CCDC73: variants seen among roughly 807,000 people sequenced by gnomAD.
The protein encoded by CCDC73 is coiled-coil domain-containing protein 73.
Under a neutral mutation model 116.5 loss-of-function variants are expected in CCDC73, and 95 were observed. The observed-to-expected ratio is 0.82, with a 90% CI of 0.69 to 0.97. The LOEUF (loss-of-function observed/expected upper bound fraction) is 0.97. Ranked by LOEUF, CCDC73 falls within the 50% of genes least tolerant of loss-of-function variation. The pLI is 0.00. For synonymous variants in CCDC73, 398 were observed against 401.3 expected, an observed-to-expected ratio of 0.99 and a Z score of 0.10; for missense variants, 1,066 against 1,206.8, an observed-to-expected ratio of 0.88 and a Z score of 1.73.
chr11:32,661,459 C>A (rs1855925451), intron 9 of CCDC73, among the ~76,000 whole-genome samples: 1 of 137,260 alleles, frequency 7.3e-6, no homozygotes, highest in South Asian at 2.6e-4. Context: ...CCTCCCCCAA[C>A]CCCATGACAG....
rs933734893 is a variant in CCDC73 at position 32,791,026 on chromosome 11, C to G, written c.-16+3587G>C. 3.3e-5 allele frequency among the ~76,000 whole-genome samples: 5 copies of G among 152,258 alleles called. No individual in the cohort carries two copies. In the South Asian group the frequency reaches 1.0e-3, roughly 32 times the overall value. On this transcript the variant is annotated intron_variant, in intron 1 of 17. Coordinates refer to ENST00000335185, the MANE Select transcript of CCDC73 (RefSeq NM_001008391.4). ...TAGCTTAATAAAGTTGAATCCAACACAGCTAGAAATGTACTGCTCATTGAA... is the reference window on the plus strand; with the variant it reads ...TAGCTTAATAAAGTTGAATCCAACAGAGCTAGAAATGTACTGCTCATTGAA...
At chr11:32,784,876 A>T (rs1367714005) in intron 1 of CCDC73, among the ~76,000 whole-genome samples, 2 of 152,208 alleles carry the variant, frequency 1.3e-5, no homozygotes, top group African/African-American at 4.8e-5. Context: ...GTTTCTTATA[A>T]TGATAGAACA....
intron 14 of CCDC73, among the ~76,000 whole-genome samples, chr11:32,633,349 A>G (rs1045028922): frequency 2.6e-5 from 4 of 152,208 alleles, no homozygotes; most frequent in African/African-American, 9.6e-5. Flanking sequence ...GACTATAATA[A>G]TAAGAGAATA....
At chr11:32,747,965 C>A (rs2133364509) in intron 2 of CCDC73, among the ~76,000 whole-genome samples, 1 of 152,306 alleles carries the variant, frequency 6.6e-6, no homozygotes, top group African/African-American at 2.4e-5. Context: ...ACTGTCCAAC[C>A]AGTCCCAACG....
chr11:32,736,867 T>C (rs901915993), intron 2 of CCDC73, among the ~76,000 whole-genome samples: 14 of 151,754 alleles, frequency 9.2e-5, no homozygotes, highest in African/African-American at 3.4e-4. Context: ...TGTAGGGACA[T>C]GGATGAAGCT....
chr11:32,657,643 T>G (rs1253201320), intron 9 of CCDC73, among the ~76,000 whole-genome samples: 2 of 151,996 alleles, frequency 1.3e-5, no homozygotes, highest in African/African-American at 4.8e-5. Context: ...TACTAGTAGA[T>G]CAGTAGGCTA....
chr11:32,657,227 A>G (rs1366727876), intron 9 of CCDC73, among the ~76,000 whole-genome samples: 1 of 152,208 alleles, frequency 6.6e-6, no homozygotes, highest in African/African-American at 2.4e-5. Context: ...GGAAAAACTC[A>G]CCCAAGTATA....
In CCDC73 at chr11:32,662,418, C is replaced by G. The variant is rs374042287; in HGVS notation, c.646-7446G>C. ...GGTATCTCATTGTGGTTTTGATTTGCATTTCTCTGATGGCCAGTGATGATG... is the reference window on the plus strand; with the variant it reads ...GGTATCTCATTGTGGTTTTGATTTGGATTTCTCTGATGGCCAGTGATGATG... On this transcript the variant is annotated intron_variant, in intron 9 of 17. Transcript: ENST00000335185. Among the ~76,000 whole-genome samples, 11 of 152,284 alleles carry G rather than the reference C, an allele frequency of 7.2e-5. 1 individual carries two copies. In the East Asian group the frequency reaches 1.9e-3, roughly 27 times the overall value.
At chr11:32,691,250 T>C (rs1394441092) in intron 6 of CCDC73, among the ~76,000 whole-genome samples, 1 of 152,132 alleles carries the variant, frequency 6.6e-6, no homozygotes, top group East Asian at 1.9e-4. Flanking sequence ...TTCACCATGT[T>C]GGTCAGGCTG....
intron 12 of CCDC73, among the ~76,000 whole-genome samples, chr11:32,642,921 C>T (rs965440524): frequency 6.6e-6 from 1 of 151,390 alleles, no homozygotes; most frequent in Non-Finnish European, 1.5e-5. Context: ...CAGAAGTAAC[C>T]ACTGTAGCAG....
At chr11:32,648,093 G>A (rs1045945223) in intron 12 of CCDC73, among the ~76,000 whole-genome samples, 1 of 152,186 alleles carries the variant, frequency 6.6e-6, no homozygotes, top group Non-Finnish European at 1.5e-5. Context: ...TACTTGGGCA[G>A]GGTGGGAAAG....
chr11:32,665,989 A>C (rs1447703801), intron 9 of CCDC73, among the ~76,000 whole-genome samples: 2 of 152,180 alleles, frequency 1.3e-5, no homozygotes, highest in African/African-American at 2.4e-5. Flanking sequence ...TATATGGCCC[A>C]CACTCTCTTC....
intron 12 of CCDC73, among the ~76,000 whole-genome samples, chr11:32,645,907 G>T (rs1292160486): frequency 6.6e-6 from 1 of 152,152 alleles, no homozygotes; most frequent in Admixed American, 6.5e-5. Context: ...GTTATGTGGT[G>T]CATAACTATA....
rs1849799937 is a variant in CCDC73 at position 32,700,169 on chromosome 11, G to C, written c.315+622C>G. Among the ~76,000 whole-genome samples the C allele has an allele frequency of 2.0e-5, 3 of 151,746 alleles. No homozygotes were observed. The South Asian group carries it at 6.2e-4, about 32-fold the overall frequency. ...TATTCTAATTAATAAGATACAGGTG[G>C]TATTTATCTAATGAATATAAAAATA... On this transcript the variant is annotated intron_variant, in intron 5 of 17. Coordinates refer to ENST00000335185, the MANE Select transcript of CCDC73 (RefSeq NM_001008391.4).
chr11:32,616,729 G>A (rs1590545772), intron 14 of CCDC73, among the ~76,000 whole-genome samples: 2 of 152,312 alleles, frequency 1.3e-5, no homozygotes, highest in East Asian at 3.9e-4. Flanking sequence ...CATGTTACAT[G>A]TGAAGCACTG....
intron 12 of CCDC73, among the ~76,000 whole-genome samples, chr11:32,643,375 G>A (rs368070625): frequency 1.5e-4 from 23 of 152,174 alleles, no homozygotes; most frequent in African/African-American, 5.5e-4. Context: ...ATACAGTCAT[G>A]TGTTGGTTAT....
chr11:32,653,466 G>T (rs1420653954), intron 11 of CCDC73, among the ~76,000 whole-genome samples: 1 of 152,092 alleles, frequency 6.6e-6, no homozygotes, highest in Non-Finnish European at 1.5e-5. Flanking sequence ...TAAGACACAT[G>T]TGAAGAATTC....
intron 1 of CCDC73, among the ~76,000 whole-genome samples, chr11:32,790,464 C>A (rs1850664966): frequency 6.6e-6 from 1 of 152,118 alleles, no homozygotes; most frequent in Non-Finnish European, 1.5e-5. Flanking sequence ...TTTTCATTAA[C>A]TGTTTCATGT....
chr11:32,749,113 T>C lies in CCDC73; in HGVS notation c.135+10996A>G, dbSNP rs533148018. ...AGATTTGGGAAGTTCTCTGTTATTA[T>C]CCCATTGAATAAACTTTCTACTCCT... On this transcript the variant is annotated intron_variant, in intron 2 of 17. Coordinates refer to ENST00000335185, the MANE Select transcript of CCDC73 (RefSeq NM_001008391.4). Among the ~76,000 whole-genome samples the C allele has an allele frequency of 4.1e-4, 63 of 152,288 alleles. No homozygotes were observed. In the South Asian group the frequency reaches 0.013, roughly 32 times the overall value.
Sources: gnomAD v4.1 joint callset for allele counts (sites outside exome capture counted in the v4.1 genomes callset) on GRCh38, gnomAD v4.1.1 for gene constraint, MANE v1.5 for transcripts, NCBI Gene and HGNC (gene_info 2026-07-23, HGNC 2026-07-21) for gene names.